The following OSBPL8 variants were observed in gnomAD, a reference collection of about 807,000 sequenced individuals.
OSBPL8 encodes the protein oxysterol binding protein like 8.
In OSBPL8, 59 loss-of-function variants were observed where a neutral mutation model predicts 125.5. That is an observed-to-expected ratio of 0.47 (90% CI 0.38 to 0.58). OSBPL8 has a LOEUF of 0.58. OSBPL8 is among the 20% of genes least tolerant of loss of function. The pLI is 0.00. For missense variants in OSBPL8, 758 were observed against 1,047.8 expected (o/e 0.72, Z 3.82); for synonymous variants, 330 against 338.9 (o/e 0.97, Z 0.29).
At chr12:76,420,447 C>T (rs1175487553) in intron 4 of OSBPL8, among the ~76,000 whole-genome samples, 1 of 151,996 alleles carries the variant, frequency 6.6e-6, no homozygotes, top group Non-Finnish European at 1.5e-5. Context: ...ATAAAACAAA[C>T]ACATTGCATC....
intron 16 of OSBPL8, among the ~76,000 whole-genome samples, chr12:76,377,559 A>G (rs1952876045): frequency 6.6e-6 from 1 of 152,170 alleles, no homozygotes; most frequent in African/African-American, 2.4e-5. Flanking sequence ...TGGTCACATA[A>G]ATGTCTTCTT....
At position 76,529,769 on chromosome 12, in the gene OSBPL8, T is replaced by C. The variant is rs117108738; in HGVS notation, c.-68+29628A>G. Reference sequence around the variant, plus strand: ...TCTAGAGACAGTAGAGTCTGGATTTTATTCACTGTGAAAGAGGAAACCAAT... The same window carrying C: ...TCTAGAGACAGTAGAGTCTGGATTTCATTCACTGTGAAAGAGGAAACCAAT... On this transcript the variant is annotated intron_variant, in intron 1 of 23. Coordinates refer to ENST00000261183, the MANE Select transcript of OSBPL8 (RefSeq NM_020841.5). Among the ~76,000 whole-genome samples, 1,216 of 152,320 alleles carry C rather than the reference T, an allele frequency of 8.0e-3. 9 individuals carry two copies. The highest frequency in any genetic ancestry group is 0.014 in the Middle Eastern group (4 of 294).
At chr12:76,436,719 A>G (rs950500525) in intron 4 of OSBPL8, among the ~76,000 whole-genome samples, 1 of 152,156 alleles carries the variant, frequency 6.6e-6, no homozygotes, top group Non-Finnish European at 1.5e-5. Flanking sequence ...GACAGAAACC[A>G]GTAACAGTCC....
chr12:76,364,298 C>T (rs985585710), intron 21 of OSBPL8, among the ~76,000 whole-genome samples: 2 of 152,210 alleles, frequency 1.3e-5, no homozygotes, highest in African/African-American at 4.8e-5. Context: ...GGCATATATA[C>T]ACCATGGAAT....
intron 4 of OSBPL8, among the ~76,000 whole-genome samples, chr12:76,440,112 C>T (rs1467246195): frequency 6.6e-6 from 1 of 152,074 alleles, no homozygotes; most frequent in African/African-American, 2.4e-5. Flanking sequence ...GTGGGGCCTC[C>T]TTAATCAGAC....
At chr12:76,552,412 C>T (rs927289757) in intron 1 of OSBPL8, among the ~76,000 whole-genome samples, 2 of 115,322 alleles carry the variant, frequency 1.7e-5, no homozygotes, top group East Asian at 2.5e-4. Context: ...AGCAACAGAG[C>T]GATACCCCAT....
chr12:76,390,505 T>C lies in OSBPL8; in HGVS notation c.1082A>G (p.Gln361Arg). The C allele has an allele frequency of 1.2e-6, 2 of 1,613,974 alleles. No homozygotes were observed. Among genetic ancestry groups the C allele is most frequent in the Non-Finnish European group, 1.7e-6 (2 of 1,179,914 alleles). Residue 361 changes from glutamine to arginine, a missense_variant, in exon 11 of 24, where the codon CAA becomes CGA. Gln to Arg is a conservative substitution (Grantham distance 43). Around this residue, in one of 3 missense-constraint regions of OSBPL8, gnomAD observed 572 missense variants for 762.0 expected, o/e 0.75. Transcript: ENST00000261183. ...CTCAGGTTCGATATATGAGTCATCT[T>C]GTCTTTCTGATGTATCTGTGTCACT... ...EESDTDTSER[Q>R]DDSYIEPEPV... is the part of the protein sequence containing the mutation.
At chr12:76,501,712 C>G (rs937688647) in intron 1 of OSBPL8, among the ~76,000 whole-genome samples, 1 of 152,206 alleles carries the variant, frequency 6.6e-6, no homozygotes, top group Non-Finnish European at 1.5e-5. Flanking sequence ...TGGCTAGAGC[C>G]ACCGCTGAGT....
chr12:76,392,585 A>C lies in OSBPL8; in HGVS notation c.925T>G (p.Phe309Val). Residue 309 changes from phenylalanine (F) to valine (V), a missense_variant, in exon 10 of 24, where the codon TTC becomes GTC. By Grantham distance (50) the Phe-to-Val change is conservative (BLOSUM62 -1). Around this residue, in one of 3 missense-constraint regions of OSBPL8, gnomAD observed 572 missense variants for 762.0 expected, o/e 0.75. Transcript: ENST00000261183. ...TCAGCGGCAGTATCTACTTACTGGAAGTTATCACCACTGTGGAGATTGTTA... is the reference window on the plus strand; with the variant it reads ...TCAGCGGCAGTATCTACTTACTGGACGTTATCACCACTGTGGAGATTGTTA... ...RANNLHSGDN[F>V]QLNDSEIERQ... 2 of 1,605,150 alleles carry C rather than the reference A, an allele frequency of 1.2e-6. No homozygotes were observed. Among genetic ancestry groups the C allele is most frequent in the Non-Finnish European group, 1.7e-6 (2 of 1,173,322 alleles).
intron 8 of OSBPL8, among the ~76,000 whole-genome samples, chr12:76,395,448 C>CA (rs1227372593): frequency 1.3e-5 from 2 of 151,574 alleles, no homozygotes; most frequent in Non-Finnish European, 2.9e-5. Context: ...GTTATTAGGT[C>CA]AAAAAATGAA....
intron 5 of OSBPL8, among the ~76,000 whole-genome samples, chr12:76,408,827 T>C (rs186462004): frequency 1.3e-5 from 2 of 152,248 alleles, no homozygotes; most frequent in Non-Finnish European, 2.9e-5. Context: ...TCATTTAAGG[T>C]ATGCAAAGTT....
intron 4 of OSBPL8, among the ~76,000 whole-genome samples, chr12:76,423,765 G>A (rs1448443054): frequency 6.6e-6 from 1 of 151,872 alleles, no homozygotes; most frequent in East Asian, 1.9e-4. Context: ...GATTTTTTTG[G>A]TTATAATTCT....
intron 4 of OSBPL8, among the ~76,000 whole-genome samples, chr12:76,437,727 T>C (rs1400598091): frequency 2.0e-5 from 3 of 152,194 alleles, no homozygotes; most frequent in Admixed American, 6.5e-5. Context: ...ATTGAACCTA[T>C]AAAATCAATG....
chr12:76,385,362 T>C (rs1286689437), intron 14 of OSBPL8, among the ~76,000 whole-genome samples: 2 of 152,170 alleles, frequency 1.3e-5, no homozygotes, highest in Admixed American at 1.3e-4. Context: ...CTGAAAATCA[T>C]GATTATGGAT....
chr12:76,505,641 A>C (rs1158195909), intron 1 of OSBPL8, among the ~76,000 whole-genome samples: 1 of 152,042 alleles, frequency 6.6e-6, no homozygotes, highest in Non-Finnish European at 1.5e-5. Context: ...CTGAGTCAAG[A>C]CCTCAGTAAC....
intron 15 of OSBPL8, among the ~76,000 whole-genome samples, chr12:76,381,559 G>A (rs1423399905): frequency 6.6e-6 from 1 of 152,006 alleles, no homozygotes; most frequent in East Asian, 1.9e-4. Context: ...AGGCATTTAT[G>A]ATTATTATGT....
At chr12:76,427,801 TG>T (rs2136546081) in intron 4 of OSBPL8, among the ~76,000 whole-genome samples, 1 of 152,188 alleles carries the variant, frequency 6.6e-6, no homozygotes, top group African/African-American at 2.4e-5. Context: ...TTCTGGTCTA[TG>T]GATAAACATA....
At chr12:76,483,660 CTTTTTTTTTTTTTTTTT>C (rs869202382) in intron 2 of OSBPL8, among the ~76,000 whole-genome samples, 4 of 57,438 alleles carry the variant, frequency 7.0e-5, no homozygotes, top group Non-Finnish European at 1.2e-4. Context: ...CTGTAATAGT[CTTTTTTTTTTTTTTTTT>C]TTTTTTTTTT....
intron 19 of OSBPL8, among the ~76,000 whole-genome samples, chr12:76,370,849 T>C (rs2136194945): frequency 6.6e-6 from 1 of 152,284 alleles, no homozygotes; most frequent in South Asian, 2.1e-4. Context: ...TAGCAAAATA[T>C]CTCTTATACA....
Sources: gnomAD v4.1 joint callset for allele counts (sites outside exome capture counted in the v4.1 genomes callset) on GRCh38, gnomAD v4.1.1 for gene constraint, gnomAD v4.1.1 regional missense constraint, MANE v1.5 for transcripts, NCBI Gene and HGNC (gene_info 2026-07-23, HGNC 2026-07-21) for gene names.